The following TMEM268 variants were observed in gnomAD, a reference collection of about 807,000 sequenced individuals.
TMEM268 encodes the protein transmembrane protein 268, also known as transmembrane protein C9orf91.
TMEM268 carries 24 observed loss-of-function variants against 39.1 expected under a neutral mutation model. The observed-to-expected ratio is 0.61, with a 90% confidence interval of 0.44 to 0.86. The LOEUF (loss-of-function observed/expected upper bound fraction) is 0.86. TMEM268 is among the 40% of genes least tolerant of loss of function. The probability of loss-of-function intolerance (pLI) is 0.00; values close to 1 mark genes in which losing one functional copy is unlikely to be tolerated. For synonymous variants in TMEM268, 176 were observed against 173.5 expected, an observed-to-expected ratio of 1.01 and a Z score of -0.12; for missense variants, 409 against 428.6, an observed-to-expected ratio of 0.95 and a Z score of 0.40.
intron 2 of TMEM268, among the ~76,000 whole-genome samples, chr9:114,617,695 T>C (rs1182386657): frequency 6.6e-6 from 1 of 152,100 alleles, no homozygotes; most frequent in African/African-American, 2.4e-5. Flanking sequence ...CTCAGCCCCC[T>C]GAACAGCTGG....
intron 2 of TMEM268, chr9:114,622,590 GC>G (rs1420794323): frequency 2.4e-6 from 2 of 823,304 alleles, no homozygotes; most frequent in East Asian, 2.5e-4. Flanking sequence ...TCATGGTCTG[GC>G]TTCATCCTAC....
At chr9:114,639,015 A>G (rs371927431) in intron 8 of TMEM268, among the ~76,000 whole-genome samples, 10 of 152,238 alleles carry the variant, frequency 6.6e-5, no homozygotes, top group African/African-American at 1.9e-4. Context: ...TTGATAGATT[A>G]TAGCTTACTT....
chr9:114,633,890 C>G lies in TMEM268; in HGVS notation c.585+12C>G. ...AGAGTGTGATTCAGGTGCTGTGTCTCATAGTTACCTCTTCCTGATGGCCCA... is the reference window on the plus strand; with the variant it reads ...AGAGTGTGATTCAGGTGCTGTGTCTGATAGTTACCTCTTCCTGATGGCCCA... On this transcript the variant is annotated intron_variant, in intron 6 of 8. Coordinates refer to ENST00000288502, the MANE Select transcript of TMEM268 (RefSeq NM_153045.4). The G allele has an allele frequency of 6.7e-7, 1 of 1,486,974 alleles. No individual in the cohort carries two copies. The highest frequency in any genetic ancestry group is 9.2e-7 in the Non-Finnish European group (1 of 1,087,630). 92.1% of individuals were successfully genotyped at this position (1,486,974 alleles called of 1,614,324 possible). A position where few individuals can be genotyped will look rare whatever the true frequency, so the allele number is the denominator to read the frequency against.
chr9:114,635,069 G>T (rs1846571820), intron 6 of TMEM268, among the ~76,000 whole-genome samples: 1 of 152,134 alleles, frequency 6.6e-6, no homozygotes, highest in Non-Finnish European at 1.5e-5. Flanking sequence ...GGCTGGGCGT[G>T]GTGGCTCACA....
chr9:114,621,619 T>A (rs1013539305), intron 2 of TMEM268, among the ~76,000 whole-genome samples: 1 of 151,506 alleles, frequency 6.6e-6, no homozygotes, highest in African/African-American at 2.4e-5. Context: ...ATTTGATCAG[T>A]TAGGAGTTTA....
intron 2 of TMEM268, chr9:114,624,041 A>AT (rs1846051527): frequency 8.1e-6 from 2 of 246,970 alleles, no homozygotes; most frequent in Non-Finnish European, 1.6e-5. Flanking sequence ...GTTGGGGAAC[A>AT]TTTTTTTGTG....
At chr9:114,624,248 G>C (rs750970127) in intron 2 of TMEM268, 102 bp from the exon 3 acceptor site, 5 of 1,509,764 alleles carry the variant, frequency 3.3e-6, no homozygotes, top group Non-Finnish European at 4.4e-6. Context: ...GTTGCGAGGA[G>C]GTTCTCATGG....
chr9:114,624,225 C>A, intron 2 of TMEM268, 125 bp from the exon 3 acceptor site: 1 of 1,465,244 alleles, frequency 6.8e-7, no homozygotes, highest in Non-Finnish European at 9.1e-7. Flanking sequence ...GGATGGCCAC[C>A]GTGTCCCTCC....
intron 2 of TMEM268, chr9:114,622,375 A>G (rs1845979112): frequency 2.0e-6 from 2 of 985,268 alleles, no homozygotes; most frequent in Admixed American, 6.1e-5. Flanking sequence ...CTAGAATCCC[A>G]GGGCTGGAAT....
rs553944609 is a variant in TMEM268, at chr9:114,624,338, G to A, written c.107-12G>A. The A allele has an allele frequency of 1.3e-6, 2 of 1,588,426 alleles. No individual in the cohort carries two copies. Among genetic ancestry groups the A allele is most frequent in the Admixed American group, 1.8e-5 (1 of 56,592 alleles). On this transcript the variant is annotated splice_polypyrimidine_tract_variant and intron_variant, in intron 2 of 8. Transcript: ENST00000288502. ...ATCACTCAGCCAGATGAAGCTTCTG[G>A]TCTGCTTCCAGAGCTCCACAATGGC...
intron 2 of TMEM268, among the ~76,000 whole-genome samples, chr9:114,621,803 G>T (rs555691957): frequency 1.3e-5 from 2 of 152,292 alleles, no homozygotes; most frequent in South Asian, 4.1e-4. Context: ...GGCGGGTGTG[G>T]TGAGACATAG....
At chr9:114,612,086 C>T (rs1419809512) in intron 1 of TMEM268, among the ~76,000 whole-genome samples, 2 of 152,262 alleles carry the variant, frequency 1.3e-5, no homozygotes, top group East Asian at 1.9e-4. Flanking sequence ...TTTTCCGCCC[C>T]GAAACTTCTG....
At chr9:114,625,263 A>T (rs768111970) in intron 3 of TMEM268, among the ~76,000 whole-genome samples, 2 of 152,104 alleles carry the variant, frequency 1.3e-5, no homozygotes, top group African/African-American at 4.8e-5. Flanking sequence ...TGCTCAATAC[A>T]TTGTAGCTAT....
chr9:114,615,908 T>G (rs954107762), intron 1 of TMEM268, among the ~76,000 whole-genome samples: 1 of 151,836 alleles, frequency 6.6e-6, no homozygotes, highest in Non-Finnish European at 1.5e-5. Flanking sequence ...GCCAGGCTGG[T>G]CTCAAACTCC....
chr9:114,637,999 C>T (rs1384632982), intron 7 of TMEM268, among the ~76,000 whole-genome samples: 1 of 152,246 alleles, frequency 6.6e-6, no homozygotes, highest in South Asian at 2.1e-4. Context: ...AAGATACCCA[C>T]ATCCCAGGCT....
intron 1 of TMEM268, among the ~76,000 whole-genome samples, chr9:114,612,551 C>T (rs780472969): frequency 6.6e-6 from 1 of 152,224 alleles, no homozygotes; most frequent in Admixed American, 6.5e-5. Context: ...CTTGCCAGCA[C>T]CCCTCCTGCC....
At chr9:114,604,434 C>T in the TMEM268 span, among the ~76,000 whole-genome samples, 1 of 151,858 alleles carries the variant, frequency 6.6e-6, no homozygotes. Flanking sequence ...AAAAAATTTA[C>T]TGGGGCGTGG....
At chr9:114,635,459 T>A (rs970018842) in intron 6 of TMEM268, among the ~76,000 whole-genome samples, 1 of 152,120 alleles carries the variant, frequency 6.6e-6, no homozygotes, top group Non-Finnish European at 1.5e-5. Flanking sequence ...GGTGGATTGC[T>A]TGAATCTAAG....
chr9:114,636,126 A>G (rs541490255), intron 6 of TMEM268, among the ~76,000 whole-genome samples: 4 of 152,156 alleles, frequency 2.6e-5, no homozygotes, highest in Non-Finnish European at 5.9e-5. Flanking sequence ...AAGAACTTCA[A>G]TTAGGATGTG....
Sources: allele counts gnomAD v4.1 joint callset (sites outside exome capture counted in the v4.1 genomes callset), GRCh38; gene constraint gnomAD v4.1.1; transcripts MANE v1.5; gene names NCBI Gene and HGNC (gene_info 2026-07-23, HGNC 2026-07-21).